Variants in PCDHGB7 observed in about 807,000 individuals in gnomAD.
The protein encoded by PCDHGB7 is protocadherin gamma subfamily B, 7, also known as protocadherin gamma-B7.
Under a neutral mutation model 61.4 loss-of-function variants are expected in PCDHGB7, and 37 were observed. The observed-to-expected ratio is 0.60, with a 90% CI of 0.46 to 0.79. The LOEUF is 0.79. Among genes scored for constraint, PCDHGB7 ranks in the 30% least tolerant of loss-of-function variants. The probability of loss-of-function intolerance (pLI) is 0.00; values close to 1 mark genes in which losing one functional copy is unlikely to be tolerated. For missense variants in PCDHGB7, 1,166 were observed against 1,202.5 expected, an observed-to-expected ratio of 0.97 and a Z score of 0.45; for synonymous variants, 464 against 503.5, an observed-to-expected ratio of 0.92 and a Z score of 1.05.
At chr5:141,469,362 G>GT (rs1212141268) in intron 1 of PCDHGB7, among the ~76,000 whole-genome samples, 4 of 152,084 alleles carry the variant, frequency 2.6e-5, no homozygotes, top group Non-Finnish European at 5.9e-5. Flanking sequence ...GGATCATGAG[G>GT]TAAAGAGATC....
chr5:141,458,292 T>C (rs2098941901), intron 1 of PCDHGB7, among the ~76,000 whole-genome samples: 1 of 152,146 alleles, frequency 6.6e-6, no homozygotes, highest in Admixed American at 6.5e-5. Flanking sequence ...GTCCTCATGC[T>C]GGTTTAGATA....
chr5:141,476,619 CTT>C lies in PCDHGB7; in HGVS notation c.2416-18186_2416-18185del. Reference sequence around the variant, plus strand: ...CACGATCCCGATGTGGGAAGCAACTCTTTACAAACCTATGAGCTGAGCCGAAA... The same window carrying C: ...CACGATCCCGATGTGGGAAGCAACTCTACAAACCTATGAGCTGAGCCGAAA... On this transcript the variant is annotated intron_variant, in intron 1 of 3. Transcript: ENST00000398594. This position sits in a 1 kb window ranked among gnomAD's most constrained non-coding sequence, Gnocchi z 7.6. The C allele has an allele frequency of 1.2e-6, 2 of 1,614,258 alleles. No homozygotes were observed. The highest frequency in any genetic ancestry group is 1.7e-6 in the Non-Finnish European group (2 of 1,180,052).
chr5:141,487,622 C>T lies in PCDHGB7; in HGVS notation c.2416-7185C>T. Reference sequence around the variant, plus strand: ...TCTTCTCTATGGGCTAGAGGTGAGACCTTTGCAGGCTCAACAAATGCTTGA... The same window carrying T: ...TCTTCTCTATGGGCTAGAGGTGAGATCTTTGCAGGCTCAACAAATGCTTGA... On this transcript the variant is annotated intron_variant, in intron 1 of 3. Coordinates refer to ENST00000398594, the MANE Select transcript of PCDHGB7 (RefSeq NM_018927.4). This position sits in a 1 kb window ranked among gnomAD's most constrained non-coding sequence, Gnocchi z 5.0. 1.2e-6 allele frequency: 2 copies of T among 1,614,174 alleles called. No homozygotes were observed. Among genetic ancestry groups the T allele is most frequent in the South Asian group, 1.1e-5 (1 of 91,084 alleles).
chr5:141,479,838 C>T (rs539142918), intron 1 of PCDHGB7, among the ~76,000 whole-genome samples: 1 of 152,298 alleles, frequency 6.6e-6, no homozygotes, highest in African/African-American at 2.4e-5. Context: ...GGTATCCATG[C>T]AAGGTGACTG....
intron 1 of PCDHGB7, chr5:141,440,464 G>C (rs2003094): frequency 1.3e-5 from 2 of 152,150 alleles, no homozygotes; most frequent in Admixed American, 6.5e-5. Context: ...ATGAACAAAC[G>C]GTAGTTGAAA....
In PCDHGB7 at chr5:141,417,959, C is replaced by T. The variant is rs759279387; in HGVS notation, c.100C>T (p.Arg34Cys). 7.4e-6 allele frequency: 12 copies of T among 1,613,616 alleles called. No homozygotes were observed. The highest frequency in any genetic ancestry group is 4.0e-5 in the African/African-American group (3 of 74,932). Residue 34 changes from arginine (R) to cysteine (C), a missense_variant, in exon 1 of 4, where the codon CGC becomes TGC. Coordinates refer to ENST00000398594, the MANE Select transcript of PCDHGB7 (RefSeq NM_018927.4). ...LFYPTLCEPI[R>C]YSIPEELAKG... The stretch of plus-strand genomic sequence containing the variant: ...CTACCCCACGCTGTGTGAGCCGATC[C>T]GCTACTCGATTCCGGAGGAGCTGGC...
rs1351760637 is a variant in PCDHGB7, at chr5:141,418,742, G to T, written c.883G>T (p.Asp295Tyr). 3.7e-6 allele frequency: 6 copies of T among 1,613,778 alleles called. No homozygotes were observed. Among genetic ancestry groups the T allele is most frequent in the South Asian group, 1.1e-5 (1 of 91,078 alleles). ...ADKAQHVFSL[D>Y]YTTGNILTQQ... ...CAAAGCTCAGCACGTGTTCTCTCTG[G>T]ATTACACTACAGGAAACATTCTAAC... The change falls in exon 1 of 4, where the codon GAT (aspartate) becomes TAT (tyrosine). Residue 295 changes from aspartate to tyrosine, a missense_variant. By Grantham distance (160) the Asp-to-Tyr change is radical. Transcript: ENST00000398594.
rs561451935 is a variant in PCDHGB7 at position 141,423,179 on chromosome 5, G to A, written c.2415+2905G>A. 21 of 1,613,516 alleles carry A rather than the reference G, an allele frequency of 1.3e-5. No individual in the cohort carries two copies. The South Asian group carries it at 2.1e-4, about 16-fold the overall frequency. ...CTCGTGGTGGCCGTCCAGGACCACG[G>A]CCAGCCCCCTCTCTCGGCCACCGTC... On this transcript the variant is annotated intron_variant, in intron 1 of 3. Transcript: ENST00000398594.
intron 1 of PCDHGB7, among the ~76,000 whole-genome samples, chr5:141,437,556 T>C (rs1427506223): frequency 6.6e-6 from 1 of 152,228 alleles, no homozygotes; most frequent in African/African-American, 2.4e-5. Context: ...CTTTATGACA[T>C]GTAACAGAGT....
rs144613597 is a variant in PCDHGB7, at chr5:141,483,029, G to A, written c.2416-11778G>A. 3.9e-3 allele frequency among the ~76,000 whole-genome samples: 588 copies of A among 152,220 alleles called. 6 individuals are homozygous for A. Among genetic ancestry groups the A allele is most frequent in the Admixed American group, 0.011 (169 of 15,280 alleles). ...GAACCCGGGAGGCAGAGGTTGCAAT[G>A]AGCTGGTGTCAGGCCACTGCACTCC... On this transcript the variant is annotated intron_variant, in intron 1 of 3. Transcript: ENST00000398594.
At chr5:141,502,710 C>T (rs2099815750) in intron 2 of PCDHGB7, among the ~76,000 whole-genome samples, 1 of 152,168 alleles carries the variant, frequency 6.6e-6, no homozygotes, top group South Asian at 2.1e-4. Context: ...GTTTTTACAT[C>T]AGTGATTACA....
intron 1 of PCDHGB7, among the ~76,000 whole-genome samples, chr5:141,439,104 A>G (rs924055175): frequency 6.6e-6 from 1 of 151,676 alleles, no homozygotes; most frequent in African/African-American, 2.4e-5. Flanking sequence ...GAGGCAAGAG[A>G]ATCACTTGAA....
In PCDHGB7 at chr5:141,476,445, T is replaced by G. The variant is rs2099391853; in HGVS notation, c.2416-18362T>G. 1 of 1,613,956 alleles carries G rather than the reference T, an allele frequency of 6.2e-7. No individual in the cohort carries two copies. The highest frequency in any genetic ancestry group is 1.7e-5 in the Admixed American group (1 of 60,008). The stretch of plus-strand genomic sequence containing the variant: ...CCCTCTTGCACTGTAACTCTGGAGT[T>G]GGTAGTGGAGAACCCGCTGGAGCTG... On this transcript the variant is annotated intron_variant, in intron 1 of 3. Coordinates refer to ENST00000398594, the MANE Select transcript of PCDHGB7 (RefSeq NM_018927.4). This position sits in a 1 kb window ranked among gnomAD's most constrained non-coding sequence, Gnocchi z 7.6.
chr5:141,476,098 G>A lies in PCDHGB7; in HGVS notation c.2416-18709G>A, dbSNP rs1241353656. The A allele has an allele frequency of 4.5e-6, 7 of 1,573,026 alleles. No homozygotes were observed. Among genetic ancestry groups the A allele is most frequent in the Non-Finnish European group, 6.0e-6 (7 of 1,163,102 alleles). ...AGGGACGATCTGGACCCCGCTGAGA[G>A]GAACTGCTTTTGAGTGAGATGGTCC... On this transcript the variant is annotated intron_variant, in intron 1 of 3. Transcript: ENST00000398594. This position sits in a 1 kb window ranked among gnomAD's most constrained non-coding sequence, Gnocchi z 7.6.
intron 1 of PCDHGB7, among the ~76,000 whole-genome samples, chr5:141,425,078 G>A (rs1196415752): frequency 3.9e-5 from 6 of 152,112 alleles, no homozygotes; most frequent in Admixed American, 6.5e-5. Flanking sequence ...AATTTCAACT[G>A]TAGGAAAGGC....
At chr5:141,435,902 A>G (rs896786345) in intron 1 of PCDHGB7, among the ~76,000 whole-genome samples, 1 of 152,194 alleles carries the variant, frequency 6.6e-6, no homozygotes, top group Non-Finnish European at 1.5e-5. Flanking sequence ...AATGAAAGAC[A>G]TCCAAGGGCT....
chr5:141,487,176 A>T lies in PCDHGB7; in HGVS notation c.2416-7631A>T. ...ACTCTCTTAGTGTCCTTAGAGGAAG[A>T]CACTCATCCAGTTGTCCCAGATCTT... On this transcript the variant is annotated intron_variant, in intron 1 of 3. Transcript: ENST00000398594. This position sits in a 1 kb window ranked among gnomAD's most constrained non-coding sequence, Gnocchi z 5.0. 1 of 1,613,774 alleles carries T rather than the reference A, an allele frequency of 6.2e-7. No individual in the cohort carries two copies. Among genetic ancestry groups the T allele is most frequent in the South Asian group, 1.1e-5 (1 of 91,082 alleles).
chr5:141,423,236 C>G, intron 1 of PCDHGB7: 1 of 1,613,920 alleles, frequency 6.2e-7, no homozygotes, highest in Non-Finnish European at 8.5e-7. Flanking sequence ...GACAGCATCC[C>G]CGAAGTCCTG....
chr5:141,507,601 A>G (rs2099861935), intron 3 of PCDHGB7, among the ~76,000 whole-genome samples: 1 of 152,254 alleles, frequency 6.6e-6, no homozygotes, highest in South Asian at 2.1e-4. Flanking sequence ...TGAGGGAAAT[A>G]AACAGGTATA....
Sources: gnomAD v4.1 joint callset for allele counts (sites outside exome capture counted in the v4.1 genomes callset) on GRCh38, gnomAD v4.1.1 for gene constraint, Gnocchi (gnomAD v3.1) non-coding constraint, MANE v1.5 for transcripts, NCBI Gene and HGNC (gene_info 2026-07-23, HGNC 2026-07-21) for gene names.